TECPR2: variants seen among roughly 807,000 people sequenced by gnomAD.
TECPR2 encodes the protein tectonin beta-propeller repeat-containing protein 2.
Under a neutral mutation model 138.1 loss-of-function variants are expected in TECPR2, and 65 were observed. That is an observed-to-expected ratio of 0.47 (90% CI 0.39 to 0.58). The LOEUF (loss-of-function observed/expected upper bound fraction) is 0.58. Ranked by LOEUF, TECPR2 falls within the 20% of genes least tolerant of loss-of-function variation. The pLI is 0.00. For synonymous variants in TECPR2, 746 were observed against 749.8 expected (o/e 0.99, Z 0.08); for missense variants, 1,553 against 1,824.5 (o/e 0.85, Z 2.71).
Position 102,443,763 on chromosome 14 carries a change from C to T in TECPR2, c.2869C>T (p.Leu957=). 6.2e-7 allele frequency: 1 copy of T among 1,610,918 alleles called. No individual in the cohort carries two copies. Among genetic ancestry groups the T allele is most frequent in the Non-Finnish European group, 8.5e-7 (1 of 1,177,622 alleles). ...VWALTEQRAL[L]YREGVSSFCP... ...GGCGCTGACAGAGCAGAGGGCCCTC[C>T]TGTACCGGGAGGGCGTGAGCAGCTT... Residue 957 remains leucine (L), a synonymous_variant, in exon 12 of 20, where the codon CTG becomes TTG. Transcript: ENST00000359520. The surrounding 1 kb of genome is among the most constrained non-coding windows in gnomAD (Gnocchi z 4.9).
At chr14:102,383,359 T>C (rs955090130) in intron 2 of TECPR2, among the ~76,000 whole-genome samples, 32 of 152,184 alleles carry the variant, frequency 2.1e-4, no homozygotes, top group African/African-American at 6.5e-4. Flanking sequence ...AGTTTTCTTT[T>C]ATAAAGCACA....
chr14:102,464,404 T>C (rs1890496557), intron 16 of TECPR2, among the ~76,000 whole-genome samples: 1 of 151,906 alleles, frequency 6.6e-6, no homozygotes, highest in African/African-American at 2.4e-5. Flanking sequence ...TTTTTTTTTG[T>C]TTTTTTGAGA....
At chr14:102,431,606 T>G (rs1889490318) in intron 7 of TECPR2, among the ~76,000 whole-genome samples, 190 bp from the exon 8 acceptor site, 2 of 152,196 alleles carry the variant, frequency 1.3e-5, no homozygotes, top group East Asian at 3.9e-4. Flanking sequence ...CCTCCCAAAG[T>G]GCTGGGATTA....
At chr14:102,449,555 C>A in intron 13 of TECPR2, 74 bp from the exon 14 acceptor site, 1 of 1,588,092 alleles carries the variant, frequency 6.3e-7, no homozygotes, top group Non-Finnish European at 8.6e-7. Context: ...TGAGCTAGAA[C>A]CTTCCCTCAA....
chr14:102,446,222 A>G (rs1339913301), intron 13 of TECPR2, among the ~76,000 whole-genome samples: 1 of 151,512 alleles, frequency 6.6e-6, no homozygotes, highest in Non-Finnish European at 1.5e-5. Context: ...GTGTGCCACC[A>G]TGCCTGGCTA....
At chr14:102,467,329 T>TC (rs1382157683) in intron 17 of TECPR2, among the ~76,000 whole-genome samples, 1 of 150,420 alleles carries the variant, frequency 6.6e-6, no homozygotes, top group Non-Finnish European at 1.5e-5. Flanking sequence ...ATTTTTTTTT[T>TC]TTTTTTTTTT....
At chr14:102,489,056 A>G (rs149267039) in intron 17 of TECPR2, among the ~76,000 whole-genome samples, 2,089 of 150,726 alleles carry the variant, frequency 0.014, 20 homozygotes, top group Middle Eastern at 0.024. Context: ...CTAATTTTGT[A>G]TTTTTAGTAC....
intron 2 of TECPR2, among the ~76,000 whole-genome samples, chr14:102,400,263 G>A (rs1435859079): frequency 6.6e-6 from 1 of 152,022 alleles, no homozygotes; most frequent in Non-Finnish European, 1.5e-5. Flanking sequence ...CCGGGCTGGT[G>A]TTAAACTCCG....
At chr14:102,371,075 A>G (rs1390619073) in intron 1 of TECPR2, among the ~76,000 whole-genome samples, 1 of 152,222 alleles carries the variant, frequency 6.6e-6, no homozygotes, top group Non-Finnish European at 1.5e-5. Context: ...CAGTTATTCC[A>G]GGGTGCCTCA....
At chr14:102,423,926 C>T (rs1889248013) in intron 5 of TECPR2, among the ~76,000 whole-genome samples, 1 of 152,196 alleles carries the variant, frequency 6.6e-6, no homozygotes, top group South Asian at 2.1e-4. Flanking sequence ...TCAGAAGCAA[C>T]AGAATCAGAG....
Position 102,425,116 on chromosome 14 carries a change from A to AT in TECPR2, c.777dup (p.Ala260CysfsTer10). On this transcript the variant is annotated frameshift_variant, in exon 6 of 20. Transcript: ENST00000359520. LOFTEE classifies it high-confidence loss of function. ...GTTCAAGCCACGTTTATCTTAAAAG[A>AT]TGCTTTTGCCGGGGGAGTCAAGCCT... 1 of 1,614,150 alleles carries AT rather than the reference A, an allele frequency of 6.2e-7. No homozygotes were observed. The highest frequency in any genetic ancestry group is 8.5e-7 in the Non-Finnish European group (1 of 1,180,040).
chr14:102,482,302 T>A (rs1414326195), intron 17 of TECPR2, among the ~76,000 whole-genome samples: 1 of 152,196 alleles, frequency 6.6e-6, no homozygotes, highest in Non-Finnish European at 1.5e-5. Flanking sequence ...GTGAGCCACC[T>A]GCCTTGGCCT....
intron 16 of TECPR2, among the ~76,000 whole-genome samples, chr14:102,454,167 A>G (rs1347230978): frequency 2.0e-5 from 3 of 151,874 alleles, no homozygotes; most frequent in Non-Finnish European, 4.4e-5. Context: ...AGAAAAAAAA[A>G]AAAAAGAAAG....
intron 2 of TECPR2, among the ~76,000 whole-genome samples, chr14:102,396,872 T>G (rs1177245280): frequency 2.0e-5 from 3 of 152,182 alleles, no homozygotes; most frequent in Non-Finnish European, 2.9e-5. Flanking sequence ...GATTGCTGCT[T>G]CTGATCGTAG....
intron 16 of TECPR2, among the ~76,000 whole-genome samples, chr14:102,457,869 C>CCTTTTT (rs1890311719): frequency 9.7e-6 from 1 of 102,772 alleles, no homozygotes; most frequent in Non-Finnish European, 1.9e-5. Flanking sequence ...ACTAAATTCC[C>CCTTTTT]TTTTTTTTTT....
At chr14:102,363,656 T>G (rs1188194752) in intron 1 of TECPR2, among the ~76,000 whole-genome samples, 1 of 152,218 alleles carries the variant, frequency 6.6e-6, no homozygotes, top group Non-Finnish European at 1.5e-5. Context: ...TAGTAAGTGT[T>G]AAAGGATGGG....
intron 1 of TECPR2, among the ~76,000 whole-genome samples, chr14:102,363,941 T>C (rs185957573): frequency 1.3e-5 from 2 of 152,380 alleles, no homozygotes; most frequent in East Asian, 3.9e-4. Flanking sequence ...TGTCTCTGAC[T>C]TCTCATGACT....
intron 1 of TECPR2, among the ~76,000 whole-genome samples, chr14:102,373,783 T>C (rs1317522841): frequency 6.6e-6 from 1 of 152,026 alleles, no homozygotes; most frequent in Non-Finnish European, 1.5e-5. Context: ...GACTGTCAGA[T>C]GAAATGGGAA....
At position 102,465,134 on chromosome 14, in the gene TECPR2, T is replaced by C. The variant is rs762487398; in HGVS notation, c.3641-7T>C. On this transcript the variant is annotated splice_polypyrimidine_tract_variant and splice_region_variant and intron_variant, in intron 16 of 19. Transcript: ENST00000359520. ...ATTATAGTGTGTGTACTTTTCTTTA[T>C]CTACAGGAGCTGTAAAATTGACAAG... The C allele has an allele frequency of 1.4e-5, 22 of 1,613,984 alleles. No homozygotes were observed. In the Admixed American group the frequency reaches 3.2e-4, roughly 23 times the overall value.
Sources: gnomAD v4.1 joint callset for allele counts (sites outside exome capture counted in the v4.1 genomes callset) on GRCh38, gnomAD v4.1.1 for gene constraint, Gnocchi (gnomAD v3.1) non-coding constraint, MANE v1.5 for transcripts, NCBI Gene and HGNC (gene_info 2026-07-23, HGNC 2026-07-21) for gene names.